Variants in MALRD1 observed in about 807,000 individuals in gnomAD.
MALRD1 encodes the protein MAM and LDL receptor class A domain containing 1.
MALRD1 carries 247 observed loss-of-function variants against 242.1 expected under a neutral mutation model. The observed-to-expected ratio is 1.02, with a 90% CI of 0.92 to 1.13. The LOEUF (loss-of-function observed/expected upper bound fraction) is 1.13, where lower values mean the gene tolerates loss of function less well. Among genes scored for constraint, MALRD1 ranks in the 50% most tolerant of loss-of-function variants. The pLI is 0.00. For missense variants in MALRD1, 2,989 were observed against 2,533.1 expected (o/e 1.18, Z -3.86); for synonymous variants, 995 against 866.6 (o/e 1.15, Z -2.60).
At chr10:19,585,768 C>T (rs926204647) in intron 33 of MALRD1, among the ~76,000 whole-genome samples, 12 of 151,954 alleles carry the variant, frequency 7.9e-5, no homozygotes, top group Admixed American at 6.6e-4. Flanking sequence ...TCTGAATGTT[C>T]GCCTGCCTTG....
chr10:19,721,462 C>T (rs1236528788), intron 38 of MALRD1: 2 of 151,796 alleles, frequency 1.3e-5, no homozygotes, highest in African/African-American at 4.8e-5. Flanking sequence ...CTATTCCCAC[C>T]AGTGAAATGA....
At chr10:19,474,349 T>C (rs1564372499) in intron 29 of MALRD1, among the ~76,000 whole-genome samples, 1 of 152,184 alleles carries the variant, frequency 6.6e-6, no homozygotes, top group Non-Finnish European at 1.5e-5. Flanking sequence ...ATTTATCCTA[T>C]TTCCAATGTA....
chr10:19,217,479 G>A (rs1462903199), intron 18 of MALRD1, among the ~76,000 whole-genome samples: 1 of 150,908 alleles, frequency 6.6e-6, no homozygotes, highest in Non-Finnish European at 1.5e-5. Context: ...TGCCTTTGGG[G>A]ATTAGCTGCT....
intron 4 of MALRD1, among the ~76,000 whole-genome samples, chr10:19,101,311 A>G (rs1836242745): frequency 6.8e-6 from 1 of 146,172 alleles, no homozygotes; most frequent in Non-Finnish European, 1.5e-5. Flanking sequence ...TCTATATTAT[A>G]AATAGATATT....
At chr10:19,213,061 T>C (rs1301103875) in intron 18 of MALRD1, among the ~76,000 whole-genome samples, 1 of 152,178 alleles carries the variant, frequency 6.6e-6, no homozygotes, top group Non-Finnish European at 1.5e-5. Flanking sequence ...ATAGATTCTT[T>C]TGAAGAGCAG....
At chr10:19,153,671 A>G (rs1834023058) in intron 11 of MALRD1, among the ~76,000 whole-genome samples, 1 of 151,288 alleles carries the variant, frequency 6.6e-6, no homozygotes, top group Non-Finnish European at 1.5e-5. Context: ...CCTAGGTGAC[A>G]GAGCCAGACC....
intron 11 of MALRD1, among the ~76,000 whole-genome samples, chr10:19,147,932 G>C (rs1008301502): frequency 2.6e-5 from 4 of 152,140 alleles, no homozygotes; most frequent in African/African-American, 7.2e-5. Context: ...GAGTAGTTAG[G>C]GATGAAAGAC....
intron 19 of MALRD1, among the ~76,000 whole-genome samples, chr10:19,267,429 A>G (rs1195426011): frequency 6.6e-6 from 1 of 151,958 alleles, no homozygotes; most frequent in Non-Finnish European, 1.5e-5. Flanking sequence ...CACACATTAA[A>G]TGTGTTGTTT....
chr10:19,376,067 A>C (rs2130766583), intron 26 of MALRD1, among the ~76,000 whole-genome samples: 1 of 152,350 alleles, frequency 6.6e-6, no homozygotes, highest in East Asian at 1.9e-4. Flanking sequence ...GGTTGCAGTG[A>C]GCCAAGATTG....
intron 21 of MALRD1, among the ~76,000 whole-genome samples, chr10:19,317,776 G>A (rs941434075): frequency 1.3e-5 from 2 of 152,052 alleles, no homozygotes; most frequent in Admixed American, 1.3e-4. Flanking sequence ...CTGTGTGATA[G>A]TAAGAGTTTA....
chr10:19,365,129 T>A (rs886931407), intron 26 of MALRD1, among the ~76,000 whole-genome samples: 1 of 152,146 alleles, frequency 6.6e-6, no homozygotes, highest in African/African-American at 2.4e-5. Flanking sequence ...ATGTTTTCTC[T>A]ATGAAATATA....
At chr10:19,318,145 G>C (rs1198944155) in intron 21 of MALRD1, among the ~76,000 whole-genome samples, 1 of 151,980 alleles carries the variant, frequency 6.6e-6, no homozygotes, top group Non-Finnish European at 1.5e-5. Flanking sequence ...TCCTCTGCAG[G>C]TTTATGCTTG....
At chr10:19,658,015 G>A (rs1328858655) in intron 36 of MALRD1, among the ~76,000 whole-genome samples, 6 of 152,018 alleles carry the variant, frequency 3.9e-5, no homozygotes, top group African/African-American at 1.4e-4. Context: ...AGACATGGTG[G>A]TGCATGCCTG....
chr10:19,071,451 G>T (rs541917827), intron 2 of MALRD1, among the ~76,000 whole-genome samples: 165 of 152,158 alleles, frequency 1.1e-3, no homozygotes, highest in South Asian at 7.3e-3. Flanking sequence ...TGCAGCTGCA[G>T]CTGGACCCTA....
At chr10:19,633,540 A>G (rs1207071671) in intron 36 of MALRD1, 2 of 152,164 alleles carry the variant, frequency 1.3e-5, no homozygotes, top group African/African-American at 4.8e-5. Context: ...TCCTACAGAC[A>G]GAATATCCTA....
At chr10:19,238,513 GTATATTATATATAATATACATTA>G (rs1274235648) in intron 18 of MALRD1, among the ~76,000 whole-genome samples, 1 of 33,024 alleles carries the variant, frequency 3.0e-5, no homozygotes, top group Non-Finnish European at 4.5e-5. Flanking sequence ...AATATATAAT[GTATATTATATATAATATACATTA>G]TATATAATAT....
intron 30 of MALRD1, 119 bp from the exon 31 acceptor site, chr10:19,498,366 A>G (rs1255368085): frequency 7.1e-6 from 6 of 845,340 alleles, no homozygotes; most frequent in Non-Finnish European, 1.1e-5. Context: ...TTGATGCTGT[A>G]AGTGTATTTA....
At chr10:19,151,182 A>T (rs1464717751) in intron 11 of MALRD1, among the ~76,000 whole-genome samples, 1 of 151,960 alleles carries the variant, frequency 6.6e-6, no homozygotes, top group African/African-American at 2.4e-5. Context: ...ACTGAAAAAT[A>T]TTTTTTTCAA....
intron 21 of MALRD1, among the ~76,000 whole-genome samples, chr10:19,320,892 A>C (rs1842890139): frequency 6.6e-6 from 1 of 151,822 alleles, no homozygotes; most frequent in Non-Finnish European, 1.5e-5. Flanking sequence ...GTGTCTATTC[A>C]TATCCTGTGC....
Sources: allele counts gnomAD v4.1 joint callset (sites outside exome capture counted in the v4.1 genomes callset), GRCh38; gene constraint gnomAD v4.1.1; transcripts MANE v1.5; gene names NCBI Gene and HGNC (gene_info 2026-07-23, HGNC 2026-07-21).